The following C8orf34 variants were observed in gnomAD, a reference collection of about 807,000 sequenced individuals.
The protein encoded by C8orf34 is uncharacterized protein C8orf34.
In C8orf34, 65 loss-of-function variants were observed where a neutral mutation model predicts 68.3. That is an observed-to-expected ratio of 0.95 (90% CI 0.78 to 1.17). C8orf34 has a LOEUF of 1.17. C8orf34 is among the 50% of genes most tolerant of loss of function. C8orf34 has a pLI of 0.00. For synonymous variants in C8orf34, 244 were observed against 241.2 expected, an observed-to-expected ratio of 1.01 and a Z score of -0.11; for missense variants, 664 against 655.4, an observed-to-expected ratio of 1.01 and a Z score of -0.14.
At chr8:68,389,275 T>C (rs1808383506) in intron 1 of C8orf34, among the ~76,000 whole-genome samples, 1 of 152,142 alleles carries the variant, frequency 6.6e-6, no homozygotes, top group South Asian at 2.1e-4. Flanking sequence ...TGCTTCATGA[T>C]CTATGTTCTT....
At position 68,535,502 on chromosome 8, in the gene C8orf34, GTTGAT is replaced by G. The variant is rs1180835697; in HGVS notation, c.1105+2358_1105+2362del. 4 of 959,066 alleles carry G rather than the reference GTTGAT, an allele frequency of 4.2e-6. No homozygotes were observed. The Admixed American group carries it at 1.9e-4, about 44-fold the overall frequency. 59.4% of individuals were successfully genotyped at this position (959,066 alleles called of 1,614,324 possible). A position where few individuals can be genotyped will look rare whatever the true frequency, so the allele number is the denominator to read the frequency against. On this transcript the variant is annotated intron_variant, in intron 7 of 13. Transcript: ENST00000518698. ...AAAGGATTATTCTTCAATAAAATTG[GTTGAT>G]TTGAAGGGAAAAAATCCTTTTAGTT...
At chr8:68,488,768 T>C (rs1563480638) in intron 5 of C8orf34, among the ~76,000 whole-genome samples, 1 of 152,184 alleles carries the variant, frequency 6.6e-6, no homozygotes, top group Non-Finnish European at 1.5e-5. Context: ...CTATTAAACA[T>C]GTTTATATGA....
chr8:68,748,678 C>T (rs1422100949), intron 10 of C8orf34, among the ~76,000 whole-genome samples: 11 of 151,682 alleles, frequency 7.3e-5, no homozygotes, highest in Admixed American at 6.6e-4. Context: ...AAATCAAAAC[C>T]ACAATGAGAT....
chr8:68,350,124 A>G (rs572184814), intron 1 of C8orf34, among the ~76,000 whole-genome samples: 101 of 151,964 alleles, frequency 6.6e-4, no homozygotes, highest in Non-Finnish European at 1.3e-3. Flanking sequence ...TTCGCTCTTA[A>G]TACTGCCTTA....
intron 10 of C8orf34, among the ~76,000 whole-genome samples, chr8:68,763,608 TC>T (rs1823085074): frequency 6.6e-6 from 1 of 151,158 alleles, no homozygotes; most frequent in South Asian, 2.1e-4. Flanking sequence ...ATATGACTTT[TC>T]CCCCATCTCT....
At chr8:68,465,945 GTATAATAAAA>G (rs1812108433) in intron 3 of C8orf34, among the ~76,000 whole-genome samples, 1 of 145,168 alleles carries the variant, frequency 6.9e-6, no homozygotes, top group Non-Finnish European at 1.5e-5. Context: ...AAAACTTAAA[GTATAATAAAA>G]TAAAATAAAA....
At chr8:68,540,859 A>G (rs1291430354) in intron 7 of C8orf34, among the ~76,000 whole-genome samples, 1 of 151,908 alleles carries the variant, frequency 6.6e-6, no homozygotes, top group Non-Finnish European at 1.5e-5. Flanking sequence ...AAAAAAAGAA[A>G]GAAAGAATTT....
At chr8:68,384,850 A>T (rs1190466775) in intron 1 of C8orf34, among the ~76,000 whole-genome samples, 1 of 152,196 alleles carries the variant, frequency 6.6e-6, no homozygotes, top group Non-Finnish European at 1.5e-5. Context: ...TGGTGGGAGC[A>T]GATGGTGAAA....
chr8:68,612,811 T>A (rs1397972929), intron 7 of C8orf34, among the ~76,000 whole-genome samples: 1 of 152,196 alleles, frequency 6.6e-6, no homozygotes, highest in African/African-American at 2.4e-5. Context: ...GTGTCTGAAC[T>A]GTTTGCTGAC....
intron 6 of C8orf34, among the ~76,000 whole-genome samples, chr8:68,531,789 T>C (rs1815256461): frequency 6.6e-6 from 1 of 151,848 alleles, no homozygotes; most frequent in Non-Finnish European, 1.5e-5. Context: ...AAAAGAGAAC[T>C]GTGAAAAGGG....
chr8:68,760,961 T>C (rs1241534125), intron 10 of C8orf34, among the ~76,000 whole-genome samples: 1 of 152,214 alleles, frequency 6.6e-6, no homozygotes, highest in Non-Finnish European at 1.5e-5. Flanking sequence ...TGGAATCTTT[T>C]TCGTCTCAGC....
chr8:68,588,365 G>C (rs549216093), intron 7 of C8orf34, among the ~76,000 whole-genome samples: 2 of 152,098 alleles, frequency 1.3e-5, no homozygotes, highest in African/African-American at 2.4e-5. Flanking sequence ...ATATAGGGTG[G>C]TGTTGATGCA....
At chr8:68,499,717 T>G (rs1055473294) in intron 5 of C8orf34, among the ~76,000 whole-genome samples, 1 of 152,188 alleles carries the variant, frequency 6.6e-6, no homozygotes, top group African/African-American at 2.4e-5. Flanking sequence ...TGGAGAAACC[T>G]GGAAGATACC....
chr8:68,591,029 A>G (rs1269655046), intron 7 of C8orf34, among the ~76,000 whole-genome samples: 1 of 152,162 alleles, frequency 6.6e-6, no homozygotes, highest in African/African-American at 2.4e-5. Flanking sequence ...ACACTGCATG[A>G]GAAACCTATG....
intron 1 of C8orf34, among the ~76,000 whole-genome samples, chr8:68,366,510 A>G (rs1454242406): frequency 4.7e-5 from 7 of 150,138 alleles, no homozygotes; most frequent in African/African-American, 1.2e-4. Context: ...CTACAAGGCT[A>G]CAGTAACCAA....
In C8orf34 at chr8:68,395,361, T is replaced by TCACA. The variant is rs61037782; in HGVS notation, c.328-44105_328-44102dup. 2.5e-3 allele frequency among the ~76,000 whole-genome samples: 198 copies of TCACA among 77,770 alleles called. 1 individual carries two copies. The highest frequency in any genetic ancestry group is 9.0e-3 in the East Asian group (30 of 3,346). 51.0% of individuals were successfully genotyped at this position (77,770 alleles called of 152,430 possible). A position where few individuals can be genotyped will look rare whatever the true frequency, so the allele number is the denominator to read the frequency against. Reference sequence around the variant, plus strand: ...CTCTCTCTTTCTCTCTGTGTGTCTCTCACACACACACACACACACACACAC... The same window carrying TCACA: ...CTCTCTCTTTCTCTCTGTGTGTCTCTCACACACACACACACACACACACACACAC... On this transcript the variant is annotated intron_variant, in intron 1 of 13. Transcript: ENST00000518698.
intron 3 of C8orf34, among the ~76,000 whole-genome samples, chr8:68,466,765 A>ATATATATATATATATATATATATATATAT (rs1242128072): frequency 8.1e-6 from 1 of 123,358 alleles, no homozygotes; most frequent in African/African-American, 3.1e-5. Flanking sequence ...ATATATATAT[A>ATATATATATATATATATATATATATATAT]GATGCTTTCA....
intron 1 of C8orf34, among the ~76,000 whole-genome samples, chr8:68,347,603 C>T (rs545149880): frequency 4.6e-5 from 7 of 152,120 alleles, no homozygotes; most frequent in Non-Finnish European, 8.8e-5. Flanking sequence ...TCCCTTTTCT[C>T]CACAACCTCA....
intron 1 of C8orf34, among the ~76,000 whole-genome samples, chr8:68,347,492 G>T (rs1806331708): frequency 6.6e-6 from 1 of 152,100 alleles, no homozygotes; most frequent in African/African-American, 2.4e-5. Flanking sequence ...TCAAGGGATT[G>T]CTGGGTCAAA....
Sources: gnomAD v4.1 joint callset for allele counts (sites outside exome capture counted in the v4.1 genomes callset) on GRCh38, gnomAD v4.1.1 for gene constraint, MANE v1.5 for transcripts, NCBI Gene and HGNC (gene_info 2026-07-23, HGNC 2026-07-21) for gene names.